ARHGAP29: variants seen among roughly 807,000 people sequenced by gnomAD.
ARHGAP29 encodes rho GTPase-activating protein 29.
In ARHGAP29, 43 loss-of-function variants were observed where a neutral mutation model predicts 122.6. The observed-to-expected ratio is 0.35, with a 90% confidence interval of 0.27 to 0.45. The LOEUF (loss-of-function observed/expected upper bound fraction) is 0.45, where lower values mean the gene tolerates loss of function less well. Among genes scored for constraint, ARHGAP29 ranks in the 20% least tolerant of loss-of-function variants. The probability of loss-of-function intolerance (pLI) is 1.00; values close to 1 mark genes in which losing one functional copy is unlikely to be tolerated. For synonymous variants in ARHGAP29, 506 were observed against 497.1 expected (o/e 1.02, Z -0.24); for missense variants, 1,303 against 1,477.2 (o/e 0.88, Z 1.93).
chr1:94,214,733 C>T (rs1651851773), intron 3 of ARHGAP29, among the ~76,000 whole-genome samples: 1 of 152,090 alleles, frequency 6.6e-6, no homozygotes. Flanking sequence ...CCTTGGGTTC[C>T]CTATTAAATC....
At chr1:94,220,509 C>G in intron 2 of ARHGAP29, 117 bp from the exon 3 acceptor site, 1 of 857,744 alleles carries the variant, frequency 1.2e-6, no homozygotes, top group Non-Finnish European at 1.7e-6. Context: ...TTTTTGCCTA[C>G]TATACATTCA....
At chr1:94,235,059 C>T (rs536595259) in intron 1 of ARHGAP29, among the ~76,000 whole-genome samples, 161 of 152,168 alleles carry the variant, frequency 1.1e-3, no homozygotes, top group Admixed American at 1.6e-3. Flanking sequence ...ACAACAACAT[C>T]AAACACATGG....
At chr1:94,226,748 C>G (rs1489849827) in intron 2 of ARHGAP29, among the ~76,000 whole-genome samples, 1 of 151,508 alleles carries the variant, frequency 6.6e-6, no homozygotes, top group East Asian at 1.9e-4. Flanking sequence ...CTTCGTTTCT[C>G]AAAGATTCAT....
At chr1:94,297,714 G>A in the ARHGAP29 span, among the ~76,000 whole-genome samples, 2 of 152,174 alleles carry the variant, frequency 1.3e-5, no homozygotes, top group African/African-American at 4.8e-5. Context: ...ATGACATAGA[G>A]TGTTTCATCA....
chr1:94,208,369 C>CA (rs36081042), intron 5 of ARHGAP29, among the ~76,000 whole-genome samples: 4 of 151,826 alleles, frequency 2.6e-5, no homozygotes, highest in African/African-American at 9.7e-5. Flanking sequence ...TTGCATTCAG[C>CA]AAAAAAGTTT....
At chr1:94,202,839 A>G in intron 10 of ARHGAP29, 79 bp downstream of exon 10, 1 of 1,539,198 alleles carries the variant, frequency 6.5e-7, no homozygotes, top group Non-Finnish European at 8.8e-7. Flanking sequence ...GAAAAATGAG[A>G]GCAAGGAAGG....
chr1:94,202,501 A>G, intron 11 of ARHGAP29, 43 bp downstream of exon 11: 1 of 1,604,530 alleles, frequency 6.2e-7, no homozygotes, highest in Non-Finnish European at 8.5e-7. Flanking sequence ...CTGGCAGATT[A>G]CCGCTAATTC....
intron 12 of ARHGAP29, among the ~76,000 whole-genome samples, chr1:94,198,447 A>G (rs1050859979): frequency 6.6e-6 from 1 of 152,124 alleles, no homozygotes; most frequent in Non-Finnish European, 1.5e-5. Flanking sequence ...CTCCAGCCTG[A>G]GTGACAGAGT....
the ARHGAP29 span, among the ~76,000 whole-genome samples, chr1:94,281,714 G>C: frequency 3.3e-5 from 5 of 152,180 alleles, no homozygotes; most frequent in South Asian, 2.1e-4. Flanking sequence ...AAATCAATTA[G>C]AGACCAGTTA....
At chr1:94,179,630 A>G in intron 20 of ARHGAP29, 95 bp downstream of exon 20, 3 of 787,558 alleles carry the variant, frequency 3.8e-6, no homozygotes, top group South Asian at 4.0e-5. Flanking sequence ...AATGGCTAAG[A>G]AAGTAAATTT....
the ARHGAP29 span, among the ~76,000 whole-genome samples, chr1:94,280,514 A>C: frequency 6.6e-6 from 1 of 152,224 alleles, no homozygotes; most frequent in Admixed American, 6.5e-5. Flanking sequence ...TGGAAGGAGG[A>C]GGAAAAATTA....
At chr1:94,286,742 A>G in the ARHGAP29 span, among the ~76,000 whole-genome samples, 5 of 152,184 alleles carry the variant, frequency 3.3e-5, no homozygotes, top group South Asian at 1.0e-3. Context: ...ATTAAGAAGG[A>G]AATAGAATAA....
Position 94,186,495 on chromosome 1 carries a change from A to G in ARHGAP29, c.1780+4T>C. On this transcript the variant is annotated splice_donor_region_variant and intron_variant, in intron 16 of 22. Transcript: ENST00000260526. ...GTGGGACTTAATTCAGGTAAATACAATACCAGTTTCTGAAGGGGAAGGTGG... is the reference window on the plus strand; with the variant it reads ...GTGGGACTTAATTCAGGTAAATACAGTACCAGTTTCTGAAGGGGAAGGTGG... 6.2e-7 allele frequency: 1 copy of G among 1,607,136 alleles called. No homozygotes were observed. The highest frequency in any genetic ancestry group is 1.1e-5 in the South Asian group (1 of 90,878).
At chr1:94,237,300 C>T in intron 1 of ARHGAP29, 115 bp downstream of exon 1, 1 of 725,094 alleles carries the variant, frequency 1.4e-6, no homozygotes, top group South Asian at 6.1e-5. Context: ...CCACTCGGGG[C>T]CGCCCCGCGG....
At chr1:94,288,048 T>C in the ARHGAP29 span, among the ~76,000 whole-genome samples, 1 of 152,084 alleles carries the variant, frequency 6.6e-6, no homozygotes, top group Non-Finnish European at 1.5e-5. Flanking sequence ...AAATAGTGTT[T>C]CTGGTTCTAG....
chr1:94,188,720 C>T (rs2101425157), intron 15 of ARHGAP29, 117 bp downstream of exon 15: 1 of 828,418 alleles, frequency 1.2e-6, no homozygotes, highest in Non-Finnish European at 1.9e-6. Context: ...TTAAATTGTA[C>T]ACTTTCCTCT....
intron 12 of ARHGAP29, among the ~76,000 whole-genome samples, chr1:94,200,775 A>C (rs948373695): frequency 4.6e-5 from 7 of 152,214 alleles, no homozygotes; most frequent in African/African-American, 1.4e-4. Context: ...AAAATAAACC[A>C]GTCAAAAGGT....
In ARHGAP29 at chr1:94,174,268, T is replaced by C; in HGVS notation, c.3387A>G (p.Ala1129=). 1 of 1,614,226 alleles carries C rather than the reference T, an allele frequency of 6.2e-7. No homozygotes were observed. Among genetic ancestry groups the C allele is most frequent in the South Asian group, 1.1e-5 (1 of 91,086 alleles). ...CCTCTCTCACTGACCTGACTGGCTC[T>C]GCATATGGCTTACTGGGTTGAGTGG... ...INATQPSKPY[A]EPVRSVREAS... is the part of the protein sequence containing the mutation. The change falls in exon 23 of 23, where the codon GCA becomes GCG. Residue 1129 remains alanine, a synonymous_variant. Coordinates refer to ENST00000260526, the MANE Select transcript of ARHGAP29 (RefSeq NM_004815.4).
the ARHGAP29 span, among the ~76,000 whole-genome samples, chr1:94,308,762 C>A: frequency 6.6e-6 from 1 of 152,198 alleles, no homozygotes; most frequent in Non-Finnish European, 1.5e-5. Context: ...ACTTCCTCCC[C>A]TGAGGCTCTG....
Sources: gnomAD v4.1 joint callset for allele counts (sites outside exome capture counted in the v4.1 genomes callset) on GRCh38, gnomAD v4.1.1 for gene constraint, MANE v1.5 for transcripts, NCBI Gene and HGNC (gene_info 2026-07-23, HGNC 2026-07-21) for gene names.